Variants in TYR observed in about 807,000 individuals in gnomAD.
The protein encoded by TYR is tyrosinase.
A neutral mutation model predicts 51.5 loss-of-function variants in TYR; 58 were observed. The observed-to-expected ratio is 1.13, with a 90% CI of 0.91 to 1.40. TYR has a LOEUF of 1.40. Ranked by LOEUF, TYR falls within the 40% of genes most tolerant of loss-of-function variation. TYR has a pLI of 0.00. For missense variants in TYR, 732 were observed against 647.4 expected (o/e 1.13, Z -1.42); for synonymous variants, 263 against 235.2 (o/e 1.12, Z -1.08).
intron 4 of TYR, among the ~76,000 whole-genome samples, chr11:89,293,184 G>T (rs555718581): frequency 1.3e-5 from 2 of 152,020 alleles, no homozygotes; most frequent in South Asian, 2.1e-4. Context: ...GAAATGTATG[G>T]CTTCAGGAAA....
At chr11:89,219,346 G>C (rs1943876888) in intron 2 of TYR, among the ~76,000 whole-genome samples, 1 of 150,886 alleles carries the variant, frequency 6.6e-6, no homozygotes, top group South Asian at 2.1e-4. Flanking sequence ...GCCCAGGCTG[G>C]AGTGCAGTGG....
chr11:89,187,886 A>G (rs1465658431), intron 1 of TYR, among the ~76,000 whole-genome samples: 1 of 151,922 alleles, frequency 6.6e-6, no homozygotes, highest in Admixed American at 6.6e-5. Flanking sequence ...GTATGTTTAT[A>G]AAGATTAAAT....
intron 1 of TYR, among the ~76,000 whole-genome samples, chr11:89,185,325 C>T (rs1797351766): frequency 4.6e-5 from 7 of 152,042 alleles, no homozygotes; most frequent in Admixed American, 3.9e-4. Context: ...AAAATAAGTT[C>T]TAGAAATATA....
At chr11:89,231,075 G>C (rs2135284201) in intron 3 of TYR, among the ~76,000 whole-genome samples, 1 of 150,542 alleles carries the variant, frequency 6.6e-6, no homozygotes, top group Non-Finnish European at 1.5e-5. Flanking sequence ...GGAGGCTGAG[G>C]CACGAGAATT....
intron 2 of TYR, among the ~76,000 whole-genome samples, chr11:89,204,573 T>G (rs61153162): frequency 0.014 from 2,101 of 152,042 alleles, 45 homozygotes; most frequent in African/African-American, 0.049. Flanking sequence ...TTTTTTTATA[T>G]TTTTAGTAGA....
At chr11:89,285,363 A>T (rs1944772559) in intron 4 of TYR, among the ~76,000 whole-genome samples, 1 of 151,860 alleles carries the variant, frequency 6.6e-6, no homozygotes, top group South Asian at 2.1e-4. Flanking sequence ...TAATGAGCCT[A>T]GTACAGTGTA....
chr11:89,232,576 T>G (rs1327170635), intron 3 of TYR, among the ~76,000 whole-genome samples: 1 of 142,178 alleles, frequency 7.0e-6, no homozygotes, highest in Non-Finnish European at 1.5e-5. Flanking sequence ...GCATAACAGC[T>G]GAAAAACTAC....
intron 3 of TYR, among the ~76,000 whole-genome samples, chr11:89,228,645 T>C (rs2135282560): frequency 6.6e-6 from 1 of 152,324 alleles, no homozygotes; most frequent in East Asian, 1.9e-4. Flanking sequence ...CAAACTGATC[T>C]CTTCCACTGG....
chr11:89,216,127 C>T (rs1030744926), intron 2 of TYR, among the ~76,000 whole-genome samples: 1 of 152,046 alleles, frequency 6.6e-6, no homozygotes, highest in Non-Finnish European at 1.5e-5. Context: ...GGTGTGAAAG[C>T]TTATGAACCT....
chr11:89,261,513 C>A (rs887988395), intron 3 of TYR, among the ~76,000 whole-genome samples: 1 of 151,956 alleles, frequency 6.6e-6, no homozygotes, highest in African/African-American at 2.4e-5. Context: ...GAAGAAGATA[C>A]AAGAATTATA....
rs1485864216 is a variant in TYR at position 89,232,929 on chromosome 11, C to A, written c.1184+4959C>A. ...GGCTGCTGAATGATGAGGGTGATGG[C>A]TGCTGAAAGCTGGGGTGGCTGGAGC... On this transcript the variant is annotated intron_variant, in intron 3 of 4. Coordinates refer to ENST00000263321, the MANE Select transcript of TYR (RefSeq NM_000372.5). Among the ~76,000 whole-genome samples, 3 of 142,722 alleles carry A rather than the reference C, an allele frequency of 2.1e-5. 1 individual carries two copies. Among genetic ancestry groups the A allele is most frequent in the African/African-American group, 5.6e-5 (2 of 36,000 alleles). The allele number at this position is 142,722 out of a possible 152,430, so 93.6% of individuals were successfully genotyped here. A position where few individuals can be genotyped will look rare whatever the true frequency, so the allele number is the denominator to read the frequency against.
intron 3 of TYR, among the ~76,000 whole-genome samples, chr11:89,265,394 A>G (rs1196222207): frequency 6.6e-6 from 1 of 152,086 alleles, no homozygotes; most frequent in Non-Finnish European, 1.5e-5. Flanking sequence ...TGCCTTCGCC[A>G]CTTGGCTGTG....
At chr11:89,209,745 G>A (rs928139522) in intron 2 of TYR, among the ~76,000 whole-genome samples, 6 of 152,130 alleles carry the variant, frequency 3.9e-5, no homozygotes, top group Non-Finnish European at 7.4e-5. Flanking sequence ...GTGCCCCTCT[G>A]GGACGAAGCT....
chr11:89,187,965 T>A (rs751261637), intron 1 of TYR, among the ~76,000 whole-genome samples: 15 of 151,712 alleles, frequency 9.9e-5, no homozygotes, highest in Admixed American at 3.3e-4. Flanking sequence ...CTTTAAGTAT[T>A]GAGTATTTTA....
At chr11:89,250,292 A>G (rs979627926) in intron 3 of TYR, among the ~76,000 whole-genome samples, 2 of 151,896 alleles carry the variant, frequency 1.3e-5, no homozygotes, top group African/African-American at 4.8e-5. Context: ...ATGAATATTA[A>G]TTATTTCCTT....
intron 3 of TYR, among the ~76,000 whole-genome samples, chr11:89,229,843 T>C (rs1277847697): frequency 6.6e-6 from 1 of 151,496 alleles, no homozygotes; most frequent in Non-Finnish European, 1.5e-5. Flanking sequence ...TCCAAGAAAA[T>C]GAAAGATGTG....
At chr11:89,212,672 C>G (rs1016993194) in intron 2 of TYR, among the ~76,000 whole-genome samples, 2 of 152,082 alleles carry the variant, frequency 1.3e-5, no homozygotes, top group African/African-American at 4.8e-5. Context: ...TGATGAACAT[C>G]GATGCGAAAA....
At chr11:89,195,688 AAAT>A (rs1565393705) in intron 2 of TYR, among the ~76,000 whole-genome samples, 5 of 151,892 alleles carry the variant, frequency 3.3e-5, no homozygotes, top group Admixed American at 6.6e-5. Flanking sequence ...ATAAATAAAT[AAAT>A]AAAAATAAAA....
chr11:89,233,422 G>A lies in TYR; in HGVS notation c.1184+5452G>A, dbSNP rs1464469074. ...CAACTTCTTCCATACTCCTATTAACGTTAATATTTTGTTCTCCTTCCATGA... is the reference window on the plus strand; with the variant it reads ...CAACTTCTTCCATACTCCTATTAACATTAATATTTTGTTCTCCTTCCATGA... On this transcript the variant is annotated intron_variant, in intron 3 of 4. Coordinates refer to ENST00000263321, the MANE Select transcript of TYR (RefSeq NM_000372.5). Among the ~76,000 whole-genome samples, 7 of 138,274 alleles carry A rather than the reference G, an allele frequency of 5.1e-5. 3 individuals carry two copies. The highest frequency in any genetic ancestry group is 1.4e-4 in the African/African-American group (5 of 34,504). The allele number at this position is 138,274 out of a possible 152,430, so 90.7% of individuals were successfully genotyped here.
Sources: gnomAD v4.1 joint callset for allele counts (sites outside exome capture counted in the v4.1 genomes callset) on GRCh38, gnomAD v4.1.1 for gene constraint, MANE v1.5 for transcripts, NCBI Gene and HGNC (gene_info 2026-07-23, HGNC 2026-07-21) for gene names.